CABLES1: variants seen among roughly 807,000 people sequenced by gnomAD.
The protein encoded by CABLES1 is CDK5 and ABL1 enzyme substrate 1.
In CABLES1, 36 loss-of-function variants were observed where a neutral mutation model predicts 57.8. The ratio of observed to expected loss-of-function variants is 0.62; its 90% confidence interval spans 0.48 to 0.82. The LOEUF (loss-of-function observed/expected upper bound fraction) is 0.82, where lower values mean the gene tolerates loss of function less well. Ranked by LOEUF, CABLES1 falls within the 40% of genes least tolerant of loss-of-function variation. The probability of loss-of-function intolerance (pLI) is 0.00; values close to 1 mark genes in which losing one functional copy is unlikely to be tolerated. For missense variants in CABLES1, 767 were observed against 836.6 expected, an observed-to-expected ratio of 0.92 and a Z score of 1.03; for synonymous variants, 374 against 363.0, an observed-to-expected ratio of 1.03 and a Z score of -0.35.
chr18:23,202,100 G>A lies in CABLES1; in HGVS notation c.1010+7560G>A, dbSNP rs140712232. Among the ~76,000 whole-genome samples, 439 of 152,336 alleles carry A rather than the reference G, an allele frequency of 2.9e-3. 9 individuals carry two copies. Among genetic ancestry groups the A allele is most frequent in the Non-Finnish European group, 1.2e-3 (84 of 68,032 alleles). ...GCTCTGATAAGTTGGTGGTGACTGC[G>A]GAGGTCCGTCTGGTTGTGAGCAAGG... On this transcript the variant is annotated intron_variant, in intron 3 of 9. Coordinates refer to ENST00000256925, the MANE Select transcript of CABLES1 (RefSeq NM_001100619.3).
intron 1 of CABLES1, chr18:23,155,788 C>T (rs1448199325): frequency 6.5e-7 from 1 of 1,542,512 alleles, no homozygotes; most frequent in African/African-American, 1.4e-5. Context: ...CATTTTGAGT[C>T]TTAGGTTTGG....
chr18:23,185,380 G>A (rs2047195323), intron 1 of CABLES1, among the ~76,000 whole-genome samples: 1 of 152,148 alleles, frequency 6.6e-6, no homozygotes, highest in Non-Finnish European at 1.5e-5. Flanking sequence ...ACTGTTAATG[G>A]GACTTCCTGG....
At chr18:23,252,631 G>A (rs889672630) in intron 7 of CABLES1, among the ~76,000 whole-genome samples, 10 of 152,260 alleles carry the variant, frequency 6.6e-5, no homozygotes, top group East Asian at 3.9e-4. Context: ...CAAGCCCCAC[G>A]CGCTTAAGCC....
chr18:23,209,650 C>T (rs939034041), intron 3 of CABLES1, among the ~76,000 whole-genome samples: 2 of 152,104 alleles, frequency 1.3e-5, no homozygotes, highest in African/African-American at 2.4e-5. Flanking sequence ...GTTTTCATGT[C>T]CTTAAGAGAA....
intron 7 of CABLES1, among the ~76,000 whole-genome samples, chr18:23,238,884 G>C (rs555983775): frequency 3.9e-4 from 59 of 152,168 alleles, no homozygotes; most frequent in Non-Finnish European, 7.5e-4. Flanking sequence ...CACAACTGCC[G>C]ACCTCGGGGT....
intron 1 of CABLES1, among the ~76,000 whole-genome samples, chr18:23,144,340 G>C (rs1179745529): frequency 6.6e-6 from 1 of 152,218 alleles, no homozygotes; most frequent in Non-Finnish European, 1.5e-5. Flanking sequence ...AGGAAAATTT[G>C]ATTCTGTTCC....
At chr18:23,234,770 G>T (rs1280425020) in intron 5 of CABLES1, 66 bp downstream of exon 5, 5 of 1,305,870 alleles carry the variant, frequency 3.8e-6, no homozygotes, top group South Asian at 2.5e-5. Flanking sequence ...AGCAGAGGAG[G>T]GGGGCAGCCC....
At position 23,244,562 on chromosome 18, in the gene CABLES1, T is replaced by A. The variant is rs545351489; in HGVS notation, c.1446+7317T>A. ...TCTGTTGGTGGTTAGATAGATTTAG[T>A]CGAGGGCCACCGTTGCTTAATTACC... On this transcript the variant is annotated intron_variant, in intron 7 of 9. Coordinates refer to ENST00000256925, the MANE Select transcript of CABLES1 (RefSeq NM_001100619.3). Among the ~76,000 whole-genome samples the A allele has an allele frequency of 2.8e-4, 43 of 152,210 alleles. 1 individual carries two copies. The highest frequency in any genetic ancestry group is 7.3e-5 in the Non-Finnish European group (5 of 68,030).
chr18:23,235,803 T>C lies in CABLES1; in HGVS notation c.1186-92T>C, dbSNP rs1306049860. The C allele has an allele frequency of 6.1e-5, 76 of 1,248,700 alleles. No homozygotes were observed. The East Asian group carries it at 1.8e-3, about 29-fold the overall frequency. 77.4% of individuals were successfully genotyped at this position (1,248,700 alleles called of 1,614,324 possible). A position where few individuals can be genotyped will look rare whatever the true frequency, so the allele number is the denominator to read the frequency against. Reference sequence around the variant, plus strand: ...AATTGCAAATAGGAGAAAGTGGACCTGAATGTGGGGTGACAACTGTAGCTT... The same window carrying C: ...AATTGCAAATAGGAGAAAGTGGACCCGAATGTGGGGTGACAACTGTAGCTT... On this transcript the variant is annotated intron_variant, in intron 5 of 9. Coordinates refer to ENST00000256925, the MANE Select transcript of CABLES1 (RefSeq NM_001100619.3).
At chr18:23,171,944 T>C (rs929891279) in intron 1 of CABLES1, among the ~76,000 whole-genome samples, 1 of 152,172 alleles carries the variant, frequency 6.6e-6, no homozygotes, top group Non-Finnish European at 1.5e-5. Flanking sequence ...TTCGGTTTTA[T>C]TTGAGACAGA....
rs920622592 is a variant in CABLES1 at position 23,136,073 on chromosome 18, C to T, written c.311C>T (p.Ala104Val). 13 of 1,167,298 alleles carry T rather than the reference C, an allele frequency of 1.1e-5. No homozygotes were observed. The highest frequency in any genetic ancestry group is 3.5e-4 in the Middle Eastern group (1 of 2,876). The allele number at this position is 1,167,298 out of a possible 1,614,324, so 72.3% of individuals were successfully genotyped here. Reference protein sequence around the residue: ...AKPGAGGACGARTRFSLLAAA... With the variant: ...AKPGAGGACGVRTRFSLLAAA... The stretch of plus-strand genomic sequence containing the variant: ...CCGGGCGCCGGCGGCGCCTGCGGCG[C>T]GAGGACTCGGTTCAGCTTGCTCGCC... Residue 104 changes from alanine to valine, a missense_variant, in exon 1 of 10, where the codon GCG becomes GTG. Physicochemically the swap from Ala to Val is moderately conservative, Grantham distance 64. Coordinates refer to ENST00000256925, the MANE Select transcript of CABLES1 (RefSeq NM_001100619.3).
intron 3 of CABLES1, among the ~76,000 whole-genome samples, chr18:23,198,933 C>T (rs1396149960): frequency 6.6e-6 from 1 of 152,238 alleles, no homozygotes; most frequent in Non-Finnish European, 1.5e-5. Context: ...GAAACTAAAA[C>T]ATTCATGATC....
chr18:23,247,571 C>T (rs761023480), intron 7 of CABLES1, among the ~76,000 whole-genome samples: 4 of 152,214 alleles, frequency 2.6e-5, no homozygotes, highest in Non-Finnish European at 4.4e-5. Context: ...AGGTGCCTGC[C>T]GCTGTCGACA....
At chr18:23,184,421 G>T (rs1211765358) in intron 1 of CABLES1, among the ~76,000 whole-genome samples, 1 of 151,932 alleles carries the variant, frequency 6.6e-6, no homozygotes, top group Non-Finnish European at 1.5e-5. Flanking sequence ...GTATTTTCTC[G>T]GCCGGGCATG....
intron 1 of CABLES1, 30 bp downstream of exon 1, chr18:23,136,637 A>C: frequency 7.8e-7 from 1 of 1,284,198 alleles, no homozygotes; most frequent in Non-Finnish European, 1.0e-6. Context: ...CGCGCACCCA[A>C]CCCTGCGTCC....
chr18:23,246,681 G>T (rs532064707), intron 7 of CABLES1, among the ~76,000 whole-genome samples: 2 of 151,436 alleles, frequency 1.3e-5, no homozygotes, highest in Non-Finnish European at 2.9e-5. Flanking sequence ...TTGAGCCACC[G>T]CACCCGGCCA....
intron 7 of CABLES1, among the ~76,000 whole-genome samples, chr18:23,246,907 G>A (rs1312617558): frequency 6.6e-6 from 1 of 152,156 alleles, no homozygotes; most frequent in Non-Finnish European, 1.5e-5. Context: ...TGGCCAAGCT[G>A]GTCTCGAACT....
In CABLES1 at chr18:23,234,577, C is replaced by T. The variant is rs7227728; in HGVS notation, c.1089-31C>T. On this transcript the variant is annotated intron_variant, in intron 4 of 9. Coordinates refer to ENST00000256925, the MANE Select transcript of CABLES1 (RefSeq NM_001100619.3). ...TGGCTCTTTGAGGTGCACACAAAAG[C>T]ATTTTTTTTTCCTCTGACTTGTCCT... 1.2e-3 allele frequency: 1,792 copies of T among 1,539,528 alleles called. 18 individuals are homozygous for T. In the African/African-American group the frequency reaches 0.022, roughly 19 times the overall value.
chr18:23,201,985 G>T (rs2047328763), intron 3 of CABLES1, among the ~76,000 whole-genome samples: 1 of 152,244 alleles, frequency 6.6e-6, no homozygotes, highest in Admixed American at 6.5e-5. Flanking sequence ...CGCTGAGGCG[G>T]AAGGGCCGGG....
Sources: gnomAD v4.1 joint callset for allele counts (sites outside exome capture counted in the v4.1 genomes callset) on GRCh38, gnomAD v4.1.1 for gene constraint, MANE v1.5 for transcripts, NCBI Gene and HGNC (gene_info 2026-07-23, HGNC 2026-07-21) for gene names.